The following STAU2 variants were observed in gnomAD, a reference collection of about 807,000 sequenced individuals.
The protein encoded by STAU2 is staufen double-stranded RNA binding protein 2.
A neutral mutation model predicts 65.9 loss-of-function variants in STAU2; 20 were observed. The ratio of observed to expected loss-of-function variants is 0.30; its 90% CI spans 0.21 to 0.44. STAU2 has a LOEUF of 0.44. Among genes scored for constraint, STAU2 ranks in the 20% least tolerant of loss-of-function variants. STAU2 has a pLI of 1.00. For synonymous variants in STAU2, 232 were observed against 233.9 expected (o/e 0.99, Z 0.07); for missense variants, 558 against 683.9 (o/e 0.82, Z 2.05).
chr8:73,551,293 C>T, intron 13 of STAU2: 4 of 987,456 alleles, frequency 4.1e-6, no homozygotes, highest in Non-Finnish European at 4.8e-6. Context: ...AAGTTTCCAT[C>T]CCTAAATTCA....
At chr8:73,554,103 T>G (rs1807544272) in intron 12 of STAU2, among the ~76,000 whole-genome samples, 1 of 152,198 alleles carries the variant, frequency 6.6e-6, no homozygotes, top group Non-Finnish European at 1.5e-5. Context: ...TCTAATCCAC[T>G]TTCTTTGTTC....
At chr8:73,648,594 G>A (rs1229811823) in intron 6 of STAU2, among the ~76,000 whole-genome samples, 1 of 152,110 alleles carries the variant, frequency 6.6e-6, no homozygotes, top group Non-Finnish European at 1.5e-5. Context: ...CTATGGGCAG[G>A]AACAATTTCA....
intron 12 of STAU2, among the ~76,000 whole-genome samples, chr8:73,570,783 G>A (rs1249206585): frequency 6.6e-6 from 1 of 152,152 alleles, no homozygotes; most frequent in Non-Finnish European, 1.5e-5. Context: ...AGAAGAGAGT[G>A]GGGGCCAATA....
At chr8:73,707,163 T>A (rs10091513) in intron 4 of STAU2, among the ~76,000 whole-genome samples, 1 of 151,942 alleles carries the variant, frequency 6.6e-6, no homozygotes, top group African/African-American at 2.4e-5. Context: ...CAGCTGAGGG[T>A]ACCTACATAA....
rs376437553 is a variant in STAU2, at chr8:73,656,289, G to A, written c.410+16818C>T. ...CACATTAAAAACTAAATCACTCTGA[G>A]TTTTGTTATAACAAGGTCACTCAAT... On this transcript the variant is annotated intron_variant, in intron 6 of 14. Transcript: ENST00000524300. 6.6e-4 allele frequency among the ~76,000 whole-genome samples: 101 copies of A among 152,266 alleles called. 1 individual carries two copies. In the East Asian group the frequency reaches 0.018, roughly 28 times the overall value.
intron 3 of STAU2, among the ~76,000 whole-genome samples, chr8:73,733,934 T>C (rs1347406602): frequency 6.6e-6 from 1 of 152,110 alleles, no homozygotes; most frequent in Non-Finnish European, 1.5e-5. Context: ...AGAAAATAAT[T>C]GGACAAAGAG....
chr8:73,605,842 TACACACACAC>T lies in STAU2; in HGVS notation c.892-1989_892-1980del, dbSNP rs1176899097. 2.2e-3 allele frequency among the ~76,000 whole-genome samples: 258 copies of T among 118,368 alleles called. 1 individual carries two copies. The highest frequency in any genetic ancestry group is 3.1e-3 in the Admixed American group (34 of 11,122). The allele number at this position is 118,368 out of a possible 152,430, so 77.7% of individuals were successfully genotyped here. ...ACAGATATATATACACACATACACA[TACACACACAC>T]ACACACACACACACACACACACACA... On this transcript the variant is annotated intron_variant, in intron 9 of 14. Transcript: ENST00000524300.
At chr8:73,546,347 AC>A (rs1220255436) in intron 13 of STAU2, among the ~76,000 whole-genome samples, 1 of 152,028 alleles carries the variant, frequency 6.6e-6, no homozygotes, top group Non-Finnish European at 1.5e-5. Context: ...GAAATCTATG[AC>A]AAAAACAAAC....
chr8:73,527,807 A>G (rs1805542845), intron 13 of STAU2: 2 of 1,534,020 alleles, frequency 1.3e-6, no homozygotes, highest in East Asian at 2.4e-5. Flanking sequence ...TAGTGAACCT[A>G]TAACAGAACA....
intron 13 of STAU2, chr8:73,527,770 C>T: frequency 6.5e-7 from 1 of 1,536,694 alleles, no homozygotes; most frequent in Non-Finnish European, 8.7e-7. Context: ...ACAGGTCACA[C>T]ACTCTTTGCC....
At chr8:73,713,750 T>C (rs576919573) in intron 3 of STAU2, among the ~76,000 whole-genome samples, 1 of 152,210 alleles carries the variant, frequency 6.6e-6, no homozygotes, top group African/African-American at 2.4e-5. Context: ...CACCAAAAGT[T>C]TCCTAAACCA....
chr8:73,548,927 T>C (rs900465968), intron 13 of STAU2, among the ~76,000 whole-genome samples: 1 of 152,192 alleles, frequency 6.6e-6, no homozygotes, highest in African/African-American at 2.4e-5. Flanking sequence ...TATTTATAGA[T>C]TTCTAATATA....
At chr8:73,481,519 A>ACC (rs1554595578) in intron 13 of STAU2, among the ~76,000 whole-genome samples, 1 of 131,392 alleles carries the variant, frequency 7.6e-6, no homozygotes, top group African/African-American at 2.9e-5. Context: ...AAAAAAACAA[A>ACC]AAAAAAAAAC....
intron 13 of STAU2, chr8:73,550,043 C>T (rs1443698586): frequency 1.0e-6 from 1 of 985,402 alleles, no homozygotes. Flanking sequence ...TGTGGCCAGA[C>T]TAAGTCATTT....
At chr8:73,600,474 C>G (rs1350023056) in intron 10 of STAU2, among the ~76,000 whole-genome samples, 1 of 152,202 alleles carries the variant, frequency 6.6e-6, no homozygotes, top group Non-Finnish European at 1.5e-5. Context: ...ATACACACCA[C>G]CTGCCGTAAC....
intron 13 of STAU2, among the ~76,000 whole-genome samples, chr8:73,453,992 T>C (rs955761278): frequency 6.6e-6 from 1 of 152,212 alleles, no homozygotes; most frequent in Non-Finnish European, 1.5e-5. Flanking sequence ...AGAAAACAAA[T>C]GTACACTTTT....
chr8:73,747,409 C>G, upstream of STAU2: 1 of 1,535,426 alleles, frequency 6.5e-7, no homozygotes, highest in Non-Finnish European at 8.7e-7. Context: ...CTCCGGCTGC[C>G]CCTCTGTGCT....
chr8:73,727,365 C>T (rs1265253270), intron 3 of STAU2, among the ~76,000 whole-genome samples: 1 of 152,230 alleles, frequency 6.6e-6, no homozygotes, highest in East Asian at 1.9e-4. Context: ...ACCCATTAGG[C>T]AGTTGCTTCT....
chr8:73,498,432 C>T (rs1048758297), intron 13 of STAU2, among the ~76,000 whole-genome samples: 15 of 151,772 alleles, frequency 9.9e-5, no homozygotes, highest in Admixed American at 8.6e-4. Flanking sequence ...TAAATAAATA[C>T]ACTATACATT....
Sources: gnomAD v4.1 joint callset for allele counts (sites outside exome capture counted in the v4.1 genomes callset) on GRCh38, gnomAD v4.1.1 for gene constraint, MANE v1.5 for transcripts, NCBI Gene and HGNC (gene_info 2026-07-23, HGNC 2026-07-21) for gene names.